DDX10: variants seen among roughly 807,000 people sequenced by gnomAD.
DDX10 encodes the protein DEAD-box helicase 10.
Under a neutral mutation model 104.3 loss-of-function variants are expected in DDX10, and 74 were observed. The observed-to-expected ratio is 0.71, with a 90% CI of 0.59 to 0.86. The LOEUF is 0.86. Among genes scored for constraint, DDX10 ranks in the 40% least tolerant of loss-of-function variants. DDX10 has a pLI of 0.00. For missense variants in DDX10, 952 were observed against 1,040.0 expected (o/e 0.92, Z 1.16); for synonymous variants, 351 against 353.4 (o/e 0.99, Z 0.08).
chr11:108,885,010 A>G (rs1229677470), intron 16 of DDX10, among the ~76,000 whole-genome samples: 4 of 152,174 alleles, frequency 2.6e-5, no homozygotes, highest in Non-Finnish European at 5.9e-5. Context: ...AAAAACACGA[A>G]TCAAGCTTTT....
At chr11:108,888,256 G>A (rs1051837999) in intron 16 of DDX10, among the ~76,000 whole-genome samples, 2 of 152,042 alleles carry the variant, frequency 1.3e-5, no homozygotes, top group African/African-American at 4.8e-5. Context: ...TTGAATAAGG[G>A]GTGGCAATAC....
chr11:108,937,067 G>T (rs1056189035), intron 17 of DDX10, among the ~76,000 whole-genome samples: 1 of 152,314 alleles, frequency 6.6e-6, no homozygotes, highest in Non-Finnish European at 1.5e-5. Flanking sequence ...AGGCAGATTT[G>T]TACCTTTCAC....
At chr11:108,901,847 A>G (rs182898554) in intron 16 of DDX10, among the ~76,000 whole-genome samples, 98 of 152,346 alleles carry the variant, frequency 6.4e-4, no homozygotes, top group African/African-American at 2.3e-3. Context: ...AAAAGTCATT[A>G]TGGAAATGTA....
chr11:108,731,249 C>T (rs1215991965), intron 13 of DDX10, among the ~76,000 whole-genome samples: 3 of 151,898 alleles, frequency 2.0e-5, no homozygotes, highest in Admixed American at 6.6e-5. Flanking sequence ...CGGGGTTTCA[C>T]CATGTTGGCC....
chr11:108,897,691 T>C, intron 16 of DDX10, among the ~76,000 whole-genome samples: 1 of 152,122 alleles, frequency 6.6e-6, no homozygotes, highest in East Asian at 1.9e-4. Context: ...TTTCTGCTTT[T>C]TTTTTTTAAG....
chr11:108,881,141 T>G (rs1171947618), intron 16 of DDX10, among the ~76,000 whole-genome samples: 1 of 152,204 alleles, frequency 6.6e-6, no homozygotes, highest in Non-Finnish European at 1.5e-5. Context: ...TTAAAAAGGA[T>G]TCAGTATTTT....
chr11:108,680,674 T>C (rs2094233630), intron 6 of DDX10, among the ~76,000 whole-genome samples: 1 of 152,252 alleles, frequency 6.6e-6, no homozygotes, highest in African/African-American at 2.4e-5. Context: ...CTATTATTTA[T>C]ATCTTAAAAT....
chr11:108,673,248 T>C (rs1325603141), intron 1 of DDX10, among the ~76,000 whole-genome samples: 1 of 152,180 alleles, frequency 6.6e-6, no homozygotes, highest in Non-Finnish European at 1.5e-5. Flanking sequence ...GTGACTTTTT[T>C]TTCCTTACCA....
chr11:108,691,324 GA>G, intron 7 of DDX10, among the ~76,000 whole-genome samples: 1 of 152,242 alleles, frequency 6.6e-6, no homozygotes, highest in Non-Finnish European at 1.5e-5. Context: ...CCATATTAGA[GA>G]AAATAAAATA....
At chr11:108,665,547 T>A (rs1565239082) in intron 1 of DDX10, among the ~76,000 whole-genome samples, 1 of 151,672 alleles carries the variant, frequency 6.6e-6, no homozygotes, top group Non-Finnish European at 1.5e-5. Context: ...ATAATAGAAA[T>A]GCGGCCGTAC....
intron 13 of DDX10, among the ~76,000 whole-genome samples, chr11:108,785,473 G>A (rs1165618168): frequency 3.3e-5 from 5 of 152,162 alleles, no homozygotes; most frequent in Admixed American, 1.3e-4. Flanking sequence ...ATGAGTTAAG[G>A]AGAAGCCCTT....
intron 9 of DDX10, among the ~76,000 whole-genome samples, chr11:108,697,795 A>C (rs1356522992): frequency 1.3e-5 from 2 of 152,208 alleles, no homozygotes; most frequent in Non-Finnish European, 2.9e-5. Flanking sequence ...AGTTTTTATA[A>C]AAATGTCCAG....
chr11:108,849,326 C>G (rs1862761619), intron 15 of DDX10, among the ~76,000 whole-genome samples: 1 of 152,102 alleles, frequency 6.6e-6, no homozygotes, highest in African/African-American at 2.4e-5. Context: ...CCTTACCAAA[C>G]TGACACAGTT....
intron 16 of DDX10, among the ~76,000 whole-genome samples, chr11:108,897,966 A>C (rs1863462579): frequency 6.6e-6 from 1 of 152,138 alleles, no homozygotes; most frequent in Admixed American, 6.5e-5. Context: ...ATAAAATTTT[A>C]CCGTATAAGC....
intron 13 of DDX10, among the ~76,000 whole-genome samples, chr11:108,824,282 A>G (rs139700365): frequency 8.5e-5 from 13 of 152,174 alleles, no homozygotes; most frequent in Admixed American, 2.6e-4. Context: ...ACCTCAAGCG[A>G]TCCACCTACC....
chr11:108,903,341 C>T (rs1205389241), intron 16 of DDX10, among the ~76,000 whole-genome samples: 1 of 152,100 alleles, frequency 6.6e-6, no homozygotes, highest in African/African-American at 2.4e-5. Context: ...GCTTCTTTCA[C>T]CTAACATAAT....
At chr11:108,786,960 T>G (rs1013111848) in intron 13 of DDX10, among the ~76,000 whole-genome samples, 1 of 152,088 alleles carries the variant, frequency 6.6e-6, no homozygotes, top group Admixed American at 6.6e-5. Context: ...TGTGCTTGAG[T>G]GTGTTTTAGT....
At chr11:108,910,253 C>T (rs1863651023) in intron 16 of DDX10, among the ~76,000 whole-genome samples, 1 of 152,178 alleles carries the variant, frequency 6.6e-6, no homozygotes, top group Admixed American at 6.5e-5. Flanking sequence ...ATTTGAGATT[C>T]AGGGTGATGT....
chr11:108,665,244 C>G lies in DDX10; in HGVS notation c.91C>G (p.Gln31Glu). Residue 31 changes from glutamine to glutamate, a missense_variant, in exon 1 of 18, where the codon CAG (glutamine) becomes GAG (glutamate). Around this residue, in one of 3 missense-constraint regions of DDX10, gnomAD observed 412 missense variants for 479.2 expected, o/e 0.86. Transcript: ENST00000322536. ...NRWKKKHSHR[Q>E]NKKKQLRKQL... The stretch of plus-strand genomic sequence containing the variant: ...CTGGAAGAAAAAACACAGCCATAGG[C>G]AGAACAAAAAGAAGCAGTTGAGGAA... 6.2e-7 allele frequency: 1 copy of G among 1,612,822 alleles called. No individual in the cohort carries two copies. The highest frequency in any genetic ancestry group is 2.2e-5 in the East Asian group (1 of 44,772).
Sources: allele counts gnomAD v4.1 joint callset (sites outside exome capture counted in the v4.1 genomes callset), GRCh38; gene constraint gnomAD v4.1.1; regional missense constraint gnomAD v4.1.1; transcripts MANE v1.5; gene names NCBI Gene and HGNC (gene_info 2026-07-23, HGNC 2026-07-21).